The following OSBPL3 variants were observed in gnomAD, a reference collection of about 807,000 sequenced individuals.
OSBPL3 encodes the protein oxysterol-binding protein-related protein 3.
OSBPL3 carries 65 observed loss-of-function variants against 120.1 expected under a neutral mutation model. That is an observed-to-expected ratio of 0.54 (90% CI 0.44 to 0.67). The LOEUF is 0.67. Ranked by LOEUF, OSBPL3 falls within the 30% of genes least tolerant of loss-of-function variation. OSBPL3 has a pLI of 0.00. For synonymous variants in OSBPL3, 416 were observed against 402.6 expected, an observed-to-expected ratio of 1.03 and a Z score of -0.40; for missense variants, 1,004 against 1,082.1, an observed-to-expected ratio of 0.93 and a Z score of 1.01.
intron 16 of OSBPL3, among the ~76,000 whole-genome samples, chr7:24,829,220 T>C (rs1796084794): frequency 6.6e-6 from 1 of 152,184 alleles, no homozygotes; most frequent in Non-Finnish European, 1.5e-5. Flanking sequence ...CCAAATTATA[T>C]TTTCATTTAT....
chr7:24,957,206 G>A (rs1312469370), intron 1 of OSBPL3, among the ~76,000 whole-genome samples: 7 of 149,038 alleles, frequency 4.7e-5, no homozygotes, highest in African/African-American at 1.7e-4. Flanking sequence ...ACTTTGCAGA[G>A]ACATGGCAGA....
Position 24,877,213 on chromosome 7 carries a change from G to A in OSBPL3, c.97-5144C>T, listed in dbSNP as rs186012735. On this transcript the variant is annotated intron_variant, in intron 2 of 22. Transcript: ENST00000313367. This position sits in a 1 kb window ranked among gnomAD's most constrained non-coding sequence, Gnocchi z 4.8. ...AAGGAGTAAATCCCATTGGGTAGAG[G>A]AATAGTGGTGGGCCAAGACCTTGAG... Among the ~76,000 whole-genome samples, 2 of 152,154 alleles carry A rather than the reference G, an allele frequency of 1.3e-5. No homozygotes were observed. The highest frequency in any genetic ancestry group is 2.9e-5 in the Non-Finnish European group (2 of 68,020).
intron 14 of OSBPL3, among the ~76,000 whole-genome samples, chr7:24,839,717 G>A (rs1797461146): frequency 6.6e-6 from 1 of 152,040 alleles, no homozygotes; most frequent in Admixed American, 6.6e-5. Context: ...GCCCAGGCAC[G>A]GTGGCTCACG....
chr7:24,975,174 C>T (rs1817442779), intron 1 of OSBPL3, among the ~76,000 whole-genome samples: 1 of 152,140 alleles, frequency 6.6e-6, no homozygotes, highest in African/African-American at 2.4e-5. Context: ...AACAGCATTA[C>T]CGTAGATATG....
Position 24,966,013 on chromosome 7 carries a change from A to T in OSBPL3, c.-150+13873T>A, listed in dbSNP as rs1167787577. 6.6e-6 allele frequency among the ~76,000 whole-genome samples: 1 copy of T among 152,078 alleles called. No individual in the cohort carries two copies. The highest frequency in any genetic ancestry group is 1.5e-5 in the Non-Finnish European group (1 of 68,018). The stretch of plus-strand genomic sequence containing the variant: ...CCCTTGTTTCCTCCAAACCCCCTTC[A>T]CATCCATTGACACCTGGCTAAGTCT... On this transcript the variant is annotated intron_variant, in intron 1 of 22. Coordinates refer to ENST00000313367, the MANE Select transcript of OSBPL3 (RefSeq NM_015550.4). This position sits in a 1 kb window ranked among gnomAD's most constrained non-coding sequence, Gnocchi z 4.8.
intron 7 of OSBPL3, among the ~76,000 whole-genome samples, chr7:24,864,235 G>C (rs1800992113): frequency 6.6e-6 from 1 of 152,182 alleles, no homozygotes; most frequent in African/African-American, 2.4e-5. Context: ...GTCCATATTT[G>C]CTGTTCACTG....
Position 24,865,335 on chromosome 7 carries a change from A to C in OSBPL3, c.673+7T>G. 2 of 1,613,630 alleles carry C rather than the reference A, an allele frequency of 1.2e-6. No homozygotes were observed. ...CAACAGAAAGCAGACGTTTCAAGTC[A>C]CTCTACCTTTGGAGCATTTTTCCAT... is the stretch of plus-strand genomic sequence containing the variant. On this transcript the variant is annotated splice_region_variant and intron_variant, in intron 7 of 22. Coordinates refer to ENST00000313367, the MANE Select transcript of OSBPL3 (RefSeq NM_015550.4).
Position 24,953,331 on chromosome 7 carries a change from C to T in OSBPL3, c.-150+26555G>A, listed in dbSNP as rs1814664384. On this transcript the variant is annotated intron_variant, in intron 1 of 22. Coordinates refer to ENST00000313367, the MANE Select transcript of OSBPL3 (RefSeq NM_015550.4). This position sits in a 1 kb window ranked among gnomAD's most constrained non-coding sequence, Gnocchi z 4.3. ...CATCTTTCCTAACCAAGCAACTCTT[C>T]CCTGGGGTTTCTTTCAAAAAAAATT... Among the ~76,000 whole-genome samples the T allele has an allele frequency of 6.6e-6, 1 of 152,084 alleles. No homozygotes were observed. The highest frequency in any genetic ancestry group is 1.5e-5 in the Non-Finnish European group (1 of 68,020).
At chr7:24,800,420 C>T in intron 22 of OSBPL3, 141 bp from the exon 23 acceptor site, 7 of 440,144 alleles carry the variant, frequency 1.6e-5, no homozygotes, top group South Asian at 3.6e-5. Flanking sequence ...ACCGGGAATT[C>T]TGGGAATTAG....
At position 24,938,731 on chromosome 7, in the gene OSBPL3, C is replaced by T. The variant is rs928741345; in HGVS notation, c.-150+41155G>A. On this transcript the variant is annotated intron_variant, in intron 1 of 22. Transcript: ENST00000313367. This position sits in a 1 kb window ranked among gnomAD's most constrained non-coding sequence, Gnocchi z 5.8. ...ATACACAGGCAAGACCTTAGTCACA[C>T]GGCCATACCTAGCTGCAAGGAAAAC... Among the ~76,000 whole-genome samples the T allele has an allele frequency of 3.3e-5, 5 of 150,926 alleles. No homozygotes were observed. Among genetic ancestry groups the T allele is most frequent in the Admixed American group, 6.6e-5 (1 of 15,144 alleles).
At chr7:24,908,328 C>G (rs148850570) in intron 1 of OSBPL3, among the ~76,000 whole-genome samples, 1 of 152,306 alleles carries the variant, frequency 6.6e-6, no homozygotes, top group Non-Finnish European at 1.5e-5. Flanking sequence ...CAGAAGTTAG[C>G]CGAATGAAAC....
At chr7:24,878,020 G>A (rs1422313031) in intron 2 of OSBPL3, among the ~76,000 whole-genome samples, 1 of 152,186 alleles carries the variant, frequency 6.6e-6, no homozygotes, top group Non-Finnish European at 1.5e-5. Flanking sequence ...ACAGTCTGGT[G>A]CTGTCATCTG....
In OSBPL3 at chr7:24,840,687, T is replaced by G; in HGVS notation, c.1495+3A>C. 7.9e-7 allele frequency: 1 copy of G among 1,259,886 alleles called. No individual in the cohort carries two copies. Among genetic ancestry groups the G allele is most frequent in the Non-Finnish European group, 1.1e-6 (1 of 892,554 alleles). 78.0% of individuals were successfully genotyped at this position (1,259,886 alleles called of 1,614,324 possible). ...TTCAGAGATTAAATAATGTAAATCT[T>G]ACCCAAGGTCTGTCTCTCATTATCT... On this transcript the variant is annotated splice_donor_region_variant and intron_variant, in intron 14 of 22. Transcript: ENST00000313367.
intron 2 of OSBPL3, among the ~76,000 whole-genome samples, chr7:24,890,129 A>G (rs1326202976): frequency 6.6e-6 from 1 of 152,212 alleles, no homozygotes; most frequent in African/African-American, 2.4e-5. Context: ...AAAATGACCA[A>G]TAAAATCAAT....
In OSBPL3 at chr7:24,833,933, A is replaced by AT. The variant is rs986571295; in HGVS notation, c.1746+552dup. Among the ~76,000 whole-genome samples, 6 of 152,002 alleles carry AT rather than the reference A, an allele frequency of 3.9e-5. No homozygotes were observed. The highest frequency in any genetic ancestry group is 3.9e-4 in the East Asian group (2 of 5,194). ...GTAGGGAAGAGAAGGCTTTTCTACGATTTTTTTTAAGTACTCTATAAAATA... is the reference window on the plus strand; with the variant it reads ...GTAGGGAAGAGAAGGCTTTTCTACGATTTTTTTTTAAGTACTCTATAAAATA... On this transcript the variant is annotated intron_variant, in intron 15 of 22. Coordinates refer to ENST00000313367, the MANE Select transcript of OSBPL3 (RefSeq NM_015550.4). This position sits in a 1 kb window ranked among gnomAD's most constrained non-coding sequence, Gnocchi z 4.4.
rs1794930384 is a variant in OSBPL3 at position 24,820,055 on chromosome 7, AC to A, written c.1948+119del. The A allele has an allele frequency of 1.5e-6, 1 of 677,498 alleles. No individual in the cohort carries two copies. Among genetic ancestry groups the A allele is most frequent in the African/African-American group, 1.8e-5 (1 of 55,684 alleles). 42.0% of individuals were successfully genotyped at this position (677,498 alleles called of 1,614,324 possible). A position where few individuals can be genotyped will look rare whatever the true frequency, so the allele number is the denominator to read the frequency against. ...AGAACAGGTGGCGCAGATCCTTCCAACCAGGCCCAAATCCAAGGACCACTTT... is the reference window on the plus strand; with the variant it reads ...AGAACAGGTGGCGCAGATCCTTCCAACAGGCCCAAATCCAAGGACCACTTT... On this transcript the variant is annotated intron_variant, in intron 17 of 22. Coordinates refer to ENST00000313367, the MANE Select transcript of OSBPL3 (RefSeq NM_015550.4). The surrounding 1 kb of genome is among the most constrained non-coding windows in gnomAD (Gnocchi z 4.6).
intron 1 of OSBPL3, among the ~76,000 whole-genome samples, chr7:24,949,935 A>C (rs527707556): frequency 6.6e-6 from 1 of 152,282 alleles, no homozygotes; most frequent in South Asian, 2.1e-4. Flanking sequence ...CCCCAAACTA[A>C]GCCCAGGCCT....
chr7:24,898,555 A>G lies in OSBPL3; in HGVS notation c.-149-5934T>C, dbSNP rs937276793. ...TCCATTTCTATTCCCTGCTCCATCC[A>G]TGGCCTTCACAATCCACTTCTTCAG... is the stretch of plus-strand genomic sequence containing the variant. On this transcript the variant is annotated intron_variant, in intron 1 of 22. Transcript: ENST00000313367. The surrounding 1 kb of genome is among the most constrained non-coding windows in gnomAD (Gnocchi z 4.3). Among the ~76,000 whole-genome samples, 6 of 152,202 alleles carry G rather than the reference A, an allele frequency of 3.9e-5. No homozygotes were observed. The highest frequency in any genetic ancestry group is 8.8e-5 in the Non-Finnish European group (6 of 68,046).
chr7:24,803,380 C>A lies in OSBPL3; in HGVS notation c.2567+935G>T, dbSNP rs570349394. 2.0e-5 allele frequency among the ~76,000 whole-genome samples: 3 copies of A among 152,226 alleles called. No homozygotes were observed. The highest frequency in any genetic ancestry group is 4.8e-5 in the African/African-American group (2 of 41,536). ...CAGGCCCCATTCCAGGGTATTATAC[C>A]GAGTCCTTCAACAGATCCCCCACCT... On this transcript the variant is annotated intron_variant, in intron 22 of 22. Transcript: ENST00000313367. This position sits in a 1 kb window ranked among gnomAD's most constrained non-coding sequence, Gnocchi z 4.2.
Sources: gnomAD v4.1 joint callset for allele counts (sites outside exome capture counted in the v4.1 genomes callset) on GRCh38, gnomAD v4.1.1 for gene constraint, Gnocchi (gnomAD v3.1) non-coding constraint, MANE v1.5 for transcripts, NCBI Gene and HGNC (gene_info 2026-07-23, HGNC 2026-07-21) for gene names.